Variants in STX8 observed in about 807,000 individuals in gnomAD.
The protein encoded by STX8 is syntaxin-8.
A neutral mutation model predicts 37.5 loss-of-function variants in STX8; 23 were observed. The observed-to-expected ratio is 0.61, with a 90% CI of 0.44 to 0.87. STX8 has a LOEUF of 0.87. Among genes scored for constraint, STX8 ranks in the 40% least tolerant of loss-of-function variants. STX8 has a pLI of 0.00. For synonymous variants in STX8, 115 were observed against 99.1 expected, an observed-to-expected ratio of 1.16 and a Z score of -0.95; for missense variants, 313 against 284.7, an observed-to-expected ratio of 1.10 and a Z score of -0.71.
At chr17:9,317,261 G>A (rs1909413162) in intron 7 of STX8, among the ~76,000 whole-genome samples, 1 of 152,102 alleles carries the variant, frequency 6.6e-6, no homozygotes, top group South Asian at 2.1e-4. Context: ...TCAAATCAAG[G>A]AAGTAGTACG....
intron 7 of STX8, among the ~76,000 whole-genome samples, chr17:9,319,090 T>TTA (rs1333306064): frequency 9.2e-5 from 14 of 152,174 alleles, no homozygotes; most frequent in Non-Finnish European, 2.9e-5. Context: ...CACGTGGAAA[T>TTA]TAGTACTGTG....
At chr17:9,283,963 T>C (rs753090438) in intron 7 of STX8, among the ~76,000 whole-genome samples, 1 of 152,220 alleles carries the variant, frequency 6.6e-6, no homozygotes, top group Non-Finnish European at 1.5e-5. Context: ...GAAATGATTT[T>C]TGAGAATACT....
chr17:9,314,253 G>T (rs77729395), intron 7 of STX8, among the ~76,000 whole-genome samples: 8,321 of 152,246 alleles, frequency 0.055, 729 homozygotes, highest in African/African-American at 0.19. Context: ...GAATTGCCAG[G>T]TAGTCAGCCA....
At chr17:9,378,927 T>C (rs1396059259) in intron 6 of STX8, among the ~76,000 whole-genome samples, 1 of 152,062 alleles carries the variant, frequency 6.6e-6, no homozygotes, top group Admixed American at 6.6e-5. Flanking sequence ...AATTTATGCC[T>C]AGCCAAGCTG....
intron 2 of STX8, among the ~76,000 whole-genome samples, chr17:9,559,734 T>TTATATATATATATA (rs1009971082): frequency 1.8e-4 from 9 of 48,754 alleles, no homozygotes; most frequent in African/African-American, 6.3e-4. Context: ...TATTATTATT[T>TTATATATATATATA]TATATATATA....
At position 9,324,105 on chromosome 17, in the gene STX8, CTCTG is replaced by C. The variant is rs1328340933; in HGVS notation, c.643+54443_643+54446del. 2.5e-4 allele frequency among the ~76,000 whole-genome samples: 35 copies of C among 142,382 alleles called. 1 individual carries two copies. Among genetic ancestry groups the C allele is most frequent in the African/African-American group, 8.5e-4 (31 of 36,378 alleles). The allele number at this position is 142,382 out of a possible 152,430, so 93.4% of individuals were successfully genotyped here. A position where few individuals can be genotyped will look rare whatever the true frequency, so the allele number is the denominator to read the frequency against. On this transcript the variant is annotated intron_variant, in intron 7 of 7. Transcript: ENST00000306357. ...GGCATCCCTCTCTCTCTCTCTCTCT[CTCTG>C]TCTCTCTCTCTCTCTCTCACACACA...
chr17:9,265,674 C>T (rs971107183), intron 7 of STX8, among the ~76,000 whole-genome samples: 1 of 152,242 alleles, frequency 6.6e-6, no homozygotes, highest in African/African-American at 2.4e-5. Flanking sequence ...TCCTGCATCT[C>T]TGTTGTGGCT....
At chr17:9,305,729 C>T (rs1326696775) in intron 7 of STX8, 3 of 140,876 alleles carry the variant, frequency 2.1e-5, no homozygotes, top group African/African-American at 8.3e-5. Context: ...GTCCCCTATA[C>T]AGGTGCATCT....
At chr17:9,372,142 T>A (rs1293586600) in intron 7 of STX8, among the ~76,000 whole-genome samples, 1 of 152,222 alleles carries the variant, frequency 6.6e-6, no homozygotes, top group Non-Finnish European at 1.5e-5. Flanking sequence ...CGGTCTACCC[T>A]GAGTATGTAT....
At chr17:9,401,926 CAT>C (rs532183934) in intron 6 of STX8, among the ~76,000 whole-genome samples, 125 of 152,196 alleles carry the variant, frequency 8.2e-4, no homozygotes, top group African/African-American at 2.8e-3. Flanking sequence ...ACACTTCAGA[CAT>C]ATTTTTTTAG....
intron 5 of STX8, among the ~76,000 whole-genome samples, chr17:9,495,340 A>T (rs1169309655): frequency 6.6e-6 from 1 of 152,234 alleles, no homozygotes; most frequent in African/African-American, 2.4e-5. Context: ...GTGCTCCTAT[A>T]GGATGACTGA....
At chr17:9,523,801 G>T (rs566138063) in intron 4 of STX8, among the ~76,000 whole-genome samples, 2 of 152,176 alleles carry the variant, frequency 1.3e-5, no homozygotes, top group Non-Finnish European at 2.9e-5. Context: ...TTATCAGCTG[G>T]CAAGCAGTGC....
intron 7 of STX8, among the ~76,000 whole-genome samples, chr17:9,341,584 G>GCC (rs1420089452): frequency 6.6e-6 from 1 of 152,134 alleles, no homozygotes; most frequent in African/African-American, 2.4e-5. Flanking sequence ...TTACAGGCAT[G>GCC]TGCCACCAGG....
intron 7 of STX8, among the ~76,000 whole-genome samples, chr17:9,266,191 A>G (rs973782837): frequency 6.6e-6 from 1 of 152,184 alleles, no homozygotes; most frequent in South Asian, 2.1e-4. Flanking sequence ...GGAAACACAG[A>G]GGGGTGTTAT....
At chr17:9,573,241 C>T (rs1907754770) in intron 1 of STX8, among the ~76,000 whole-genome samples, 1 of 152,064 alleles carries the variant, frequency 6.6e-6, no homozygotes, top group African/African-American at 2.4e-5. Flanking sequence ...GAAAAGCCAA[C>T]CAGCATTAAC....
At chr17:9,323,129 T>C (rs1909635002) in intron 7 of STX8, among the ~76,000 whole-genome samples, 1 of 152,180 alleles carries the variant, frequency 6.6e-6, no homozygotes, top group African/African-American at 2.4e-5. Flanking sequence ...TCAGAAAATG[T>C]TTTCTTTTGA....
intron 7 of STX8, among the ~76,000 whole-genome samples, chr17:9,301,026 G>C (rs1245960278): frequency 6.6e-6 from 1 of 151,600 alleles, no homozygotes; most frequent in Non-Finnish European, 1.5e-5. Context: ...TACAGACTCG[G>C]TTTCACTGTG....
intron 7 of STX8, among the ~76,000 whole-genome samples, chr17:9,269,171 A>G (rs578097802): frequency 1.9e-3 from 275 of 146,614 alleles, no homozygotes; most frequent in Non-Finnish European, 2.5e-3. Context: ...TGGGCGATAG[A>G]GCAAGACTCC....
chr17:9,465,742 C>T (rs1353421732), intron 6 of STX8, among the ~76,000 whole-genome samples: 3 of 152,278 alleles, frequency 2.0e-5, no homozygotes, highest in African/African-American at 7.2e-5. Flanking sequence ...TTAGGGAGGA[C>T]TTCCGGGACT....
Sources: gnomAD v4.1 joint callset for allele counts (sites outside exome capture counted in the v4.1 genomes callset) on GRCh38, gnomAD v4.1.1 for gene constraint, MANE v1.5 for transcripts, NCBI Gene and HGNC (gene_info 2026-07-23, HGNC 2026-07-21) for gene names.